The following IFT20 variants were observed in gnomAD, a reference collection of about 807,000 sequenced individuals.
IFT20 encodes intraflagellar transport 20.
In IFT20, 4 loss-of-function variants were observed where a neutral mutation model predicts 16.9. That is an observed-to-expected ratio of 0.24 (90% confidence interval 0.12 to 0.54). The LOEUF (loss-of-function observed/expected upper bound fraction) is 0.54, where lower values mean the gene tolerates loss of function less well. IFT20 is among the 20% of genes least tolerant of loss of function. The probability of loss-of-function intolerance (pLI) is 0.95; values close to 1 mark genes in which losing one functional copy is unlikely to be tolerated. For synonymous variants in IFT20, 48 were observed against 49.9 expected (o/e 0.96, Z 0.16); for missense variants, 154 against 149.7 (o/e 1.03, Z -0.15).
chr17:28,331,180 A>G (rs782592390), intron 2 of IFT20, among the ~76,000 whole-genome samples: 2 of 152,208 alleles, frequency 1.3e-5, no homozygotes, highest in African/African-American at 4.8e-5. Context: ...ACTTTCTCCA[A>G]TGTCCTGGAT....
At chr17:28,334,983 C>A (rs968275758) in intron 1 of IFT20, among the ~76,000 whole-genome samples, 1 of 152,024 alleles carries the variant, frequency 6.6e-6, no homozygotes, top group African/African-American at 2.4e-5. Context: ...CCATCACACG[C>A]GTGTCTGAGC....
intron 4 of IFT20, 169 bp from the exon 5 acceptor site, chr17:28,328,902 C>A: frequency 1.6e-6 from 1 of 638,324 alleles, no homozygotes; most frequent in East Asian, 2.7e-5. Flanking sequence ...GAGAAATCTC[C>A]AGCCCTAGGA....
Position 28,329,267 on chromosome 17 carries a change from C to T in IFT20, c.223G>A (p.Ala75Thr), listed in dbSNP as rs1906565640. 3 of 1,613,670 alleles carry T rather than the reference C, an allele frequency of 1.9e-6. No homozygotes were observed. Among genetic ancestry groups the T allele is most frequent in the Admixed American group, 3.3e-5 (2 of 59,982 alleles). Residue 75 changes from alanine (A) to threonine (T), a missense_variant, in exon 4 of 5, where the codon GCT becomes ACT. Physicochemically the swap from Ala to Thr is moderately conservative, Grantham distance 58. Coordinates refer to ENST00000395418, the MANE Select transcript of IFT20 (RefSeq NM_001267776.2). ...GCTATAGATTTGAGCAAGTTCCGAG[C>T]ACCGATGGCCTACAGTATTGCCAGA... ...AENEKMKAIGARNLLKSIAKQ... is the reference protein window; with the variant it reads ...AENEKMKAIGTRNLLKSIAKQ...
intron 1 of IFT20, among the ~76,000 whole-genome samples, chr17:28,332,962 GAACT>G (rs1412536167): frequency 1.3e-5 from 2 of 152,006 alleles, no homozygotes; most frequent in Non-Finnish European, 2.9e-5. Flanking sequence ...AGGCAACAGA[GAACT>G]AACAGAGATA....
intron 1 of IFT20, among the ~76,000 whole-genome samples, chr17:28,334,351 A>T (rs1245897706): frequency 6.6e-6 from 1 of 152,256 alleles, no homozygotes; most frequent in Non-Finnish European, 1.5e-5. Context: ...GGAAACACGT[A>T]TGTGAAGATC....
chr17:28,334,220 G>C (rs1469403013), intron 1 of IFT20, among the ~76,000 whole-genome samples: 2 of 152,242 alleles, frequency 1.3e-5, no homozygotes, highest in Admixed American at 6.5e-5. Context: ...ACAGTTCATG[G>C]GGGGCGGACT....
At chr17:28,329,151 G>A (rs1299237096) in intron 4 of IFT20, 22 bp downstream of exon 4, 14 of 1,519,724 alleles carry the variant, frequency 9.2e-6, no homozygotes, top group African/African-American at 1.4e-5. Context: ...TAAAGAACTT[G>A]CTTTACATCA....
At position 28,328,587 on chromosome 17, in the gene IFT20, G is replaced by T. The variant is rs1906485192; in HGVS notation, c.*65C>A. ...GTCAAGCCGCTGGAATGCTACAGAGGTTTTTTTGGTTTTGAGAGGCTTTTT... is the reference window on the plus strand; with the variant it reads ...GTCAAGCCGCTGGAATGCTACAGAGTTTTTTTTGGTTTTGAGAGGCTTTTT... On this transcript the variant is annotated 3_prime_UTR_variant, in exon 5 of 5. Coordinates refer to ENST00000395418, the MANE Select transcript of IFT20 (RefSeq NM_001267776.2). 2.9e-6 allele frequency: 3 copies of T among 1,021,326 alleles called. No individual in the cohort carries two copies. Among genetic ancestry groups the T allele is most frequent in the Non-Finnish European group, 4.5e-6 (3 of 673,630 alleles). The allele number at this position is 1,021,326 out of a possible 1,614,324, so 63.3% of individuals were successfully genotyped here. A position where few individuals can be genotyped will look rare whatever the true frequency, so the allele number is the denominator to read the frequency against.
At chr17:28,333,881 T>A (rs1047893883) in intron 1 of IFT20, among the ~76,000 whole-genome samples, 1 of 151,924 alleles carries the variant, frequency 6.6e-6, no homozygotes, top group African/African-American at 2.4e-5. Context: ...CAGTGAGCCG[T>A]GTTCACACCA....
intron 4 of IFT20, 21 bp downstream of exon 4, chr17:28,329,152 C>T (rs745877766): frequency 1.3e-6 from 2 of 1,555,778 alleles, no homozygotes; most frequent in East Asian, 2.2e-5. Flanking sequence ...AAAGAACTTG[C>T]TTTACATCAT....
At chr17:28,328,783 C>T in intron 4 of IFT20, 50 bp from the exon 5 acceptor site, 7 of 1,058,272 alleles carry the variant, frequency 6.6e-6, no homozygotes, top group Non-Finnish European at 8.7e-6. Context: ...AAGTAAACCA[C>T]AGACCTAATT....
In IFT20 at chr17:28,328,676, A is replaced by C; in HGVS notation, c.375T>G (p.Ile125Met). Residue 125 changes from isoleucine (I) to methionine (M), a missense_variant, in exon 5 of 5, where the codon ATT becomes ATG. Transcript: ENST00000395418. ...CKVEAEQNEF[I>M]DQFIFQK Reference sequence around the variant, plus strand: ...TTCATTTCTGAAAAATAAATTGGTCAATAAATTCATTTTGTTCTGCTTCTA... The same window carrying C: ...TTCATTTCTGAAAAATAAATTGGTCCATAAATTCATTTTGTTCTGCTTCTA... 1 of 1,605,136 alleles carries C rather than the reference A, an allele frequency of 6.2e-7. No individual in the cohort carries two copies. The highest frequency in any genetic ancestry group is 8.5e-7 in the Non-Finnish European group (1 of 1,176,472).
chr17:28,329,238 C>T lies in IFT20; in HGVS notation c.252G>A (p.Lys84=), dbSNP rs782086869. 3.7e-6 allele frequency: 6 copies of T among 1,614,036 alleles called. No homozygotes were observed. The highest frequency in any genetic ancestry group is 5.1e-6 in the Non-Finnish European group (6 of 1,180,038). Reference sequence around the variant, plus strand: ...GTTGCTGCTGTTGAGCTTCTCTCTGCTTTGCTATAGATTTGAGCAAGTTCC... The same window carrying T: ...GTTGCTGCTGTTGAGCTTCTCTCTGTTTTGCTATAGATTTGAGCAAGTTCC... ...GARNLLKSIA[K]QREAQQQQLQ... Residue 84 remains lysine, a synonymous_variant, in exon 4 of 5, where the codon AAG becomes AAA. Transcript: ENST00000395418.
rs140358061 is a variant in IFT20 at position 28,334,962 on chromosome 17, T to G, written c.-3+378A>C. ...GTGCAGGGAAAGAGTTCACAGATTATCTACCAACTCCCATCACACGCGTGT... is the reference window on the plus strand; with the variant it reads ...GTGCAGGGAAAGAGTTCACAGATTAGCTACCAACTCCCATCACACGCGTGT... On this transcript the variant is annotated intron_variant, in intron 1 of 4. Coordinates refer to ENST00000395418, the MANE Select transcript of IFT20 (RefSeq NM_001267776.2). Among the ~76,000 whole-genome samples, 10 of 151,814 alleles carry G rather than the reference T, an allele frequency of 6.6e-5. No homozygotes were observed. In the East Asian group the frequency reaches 9.8e-4, roughly 15 times the overall value.
Position 28,328,701 on chromosome 17 carries a change from A to G in IFT20, c.350T>C (p.Val117Ala), listed in dbSNP as rs1597783352. Residue 117 changes from valine to alanine, a missense_variant, in exon 5 of 5, where the codon GTA becomes GCA. Physicochemically the swap from Val to Ala is moderately conservative, Grantham distance 64. Transcript: ENST00000395418. ...YRVEYEALCK[V>A]EAEQNEFIDQ... ...AATAAATTCATTTTGTTCTGCTTCT[A>G]CTTTACACAAAGCTTCATATTCAAC... The G allele has an allele frequency of 4.4e-6, 7 of 1,604,104 alleles. No individual in the cohort carries two copies. Among genetic ancestry groups the G allele is most frequent in the South Asian group, 1.1e-5 (1 of 88,746 alleles).
At chr17:28,334,027 T>G (rs1283863260) in intron 1 of IFT20, among the ~76,000 whole-genome samples, 1 of 152,202 alleles carries the variant, frequency 6.6e-6, no homozygotes, top group Non-Finnish European at 1.5e-5. Context: ...AGCAAATATC[T>G]GCTTCAACTT....
chr17:28,334,970 C>T (rs1181386279), intron 1 of IFT20, among the ~76,000 whole-genome samples: 1 of 152,152 alleles, frequency 6.6e-6, no homozygotes, highest in Non-Finnish European at 1.5e-5. Flanking sequence ...TATCTACCAA[C>T]TCCCATCACA....
intron 2 of IFT20, among the ~76,000 whole-genome samples, chr17:28,330,799 C>G (rs191578170): frequency 2.6e-4 from 40 of 152,356 alleles, no homozygotes; most frequent in African/African-American, 9.6e-4. Context: ...TAGCAAGACC[C>G]TGTCGCTTAA....
At chr17:28,330,103 G>A in intron 3 of IFT20, 1 of 581,858 alleles carries the variant, frequency 1.7e-6, no homozygotes, top group Non-Finnish European at 3.0e-6. Context: ...GGGTGTGGTG[G>A]CACACACCTG....
Sources: gnomAD v4.1 joint callset for allele counts (sites outside exome capture counted in the v4.1 genomes callset) on GRCh38, gnomAD v4.1.1 for gene constraint, MANE v1.5 for transcripts, NCBI Gene and HGNC (gene_info 2026-07-23, HGNC 2026-07-21) for gene names.